Variants in CCSER2 observed in about 807,000 individuals in gnomAD.
The protein encoded by CCSER2 is serine-rich coiled-coil domain-containing protein 2.
In CCSER2, 46 loss-of-function variants were observed where a neutral mutation model predicts 92.3. The ratio of observed to expected loss-of-function variants is 0.50; its 90% confidence interval spans 0.39 to 0.64. The LOEUF is 0.64. Ranked by LOEUF, CCSER2 falls within the 30% of genes least tolerant of loss-of-function variation. CCSER2 has a pLI of 0.00. For synonymous variants in CCSER2, 433 were observed against 431.4 expected (o/e 1.00, Z -0.04); for missense variants, 1,244 against 1,238.9 (o/e 1.00, Z -0.06).
At chr10:84,383,980 A>G (rs1841055416) in intron 3 of CCSER2, among the ~76,000 whole-genome samples, 1 of 152,186 alleles carries the variant, frequency 6.6e-6, no homozygotes, top group Non-Finnish European at 1.5e-5. Context: ...TGCCATGGAA[A>G]TACAAAGGAT....
chr10:84,513,024 C>CT (rs35483621), intron 9 of CCSER2, among the ~76,000 whole-genome samples: 8,052 of 149,648 alleles, frequency 0.054, 294 homozygotes, highest in Non-Finnish European at 0.071. Flanking sequence ...TGGTGTACAA[C>CT]TTTTTTTTTT....
At chr10:84,376,138 T>C (rs1040856002) in intron 3 of CCSER2, among the ~76,000 whole-genome samples, 1 of 152,168 alleles carries the variant, frequency 6.6e-6, no homozygotes, top group Non-Finnish European at 1.5e-5. Context: ...CTCCTAATCA[T>C]GTCAAGGATC....
chr10:84,375,909 A>G (rs1174967756), intron 3 of CCSER2, among the ~76,000 whole-genome samples: 1 of 149,100 alleles, frequency 6.7e-6, no homozygotes, highest in Non-Finnish European at 1.5e-5. Flanking sequence ...CTCTTACTTA[A>G]CCCCTCAAGA....
At chr10:84,394,393 G>C (rs1841710153) in intron 3 of CCSER2, among the ~76,000 whole-genome samples, 1 of 138,384 alleles carries the variant, frequency 7.2e-6, no homozygotes, top group Admixed American at 7.2e-5. Context: ...GTATGTGTGT[G>C]TGTGTGTGTG....
intron 6 of CCSER2, among the ~76,000 whole-genome samples, chr10:84,463,239 G>A (rs1050238043): frequency 1.3e-5 from 2 of 152,202 alleles, no homozygotes; most frequent in Non-Finnish European, 2.9e-5. Context: ...CAGTAAAGTG[G>A]TTAAGGTGTA....
intron 2 of CCSER2, among the ~76,000 whole-genome samples, chr10:84,373,078 A>G (rs1208929770): frequency 1.3e-5 from 2 of 152,110 alleles, no homozygotes; most frequent in Non-Finnish European, 2.9e-5. Flanking sequence ...TTGTATGCCC[A>G]TATACCTGAA....
intron 5 of CCSER2, among the ~76,000 whole-genome samples, chr10:84,434,985 T>C (rs1216955771): frequency 1.3e-5 from 2 of 152,188 alleles, no homozygotes; most frequent in Non-Finnish European, 2.9e-5. Flanking sequence ...CTTTATGCTG[T>C]GAAACAAATT....
In CCSER2 at chr10:84,486,420, T is replaced by C. The variant is rs536720192; in HGVS notation, c.2325+8756T>C. Among the ~76,000 whole-genome samples, 361 of 152,376 alleles carry C rather than the reference T, an allele frequency of 2.4e-3. 1 individual carries two copies. The highest frequency in any genetic ancestry group is 8.3e-3 in the African/African-American group (345 of 41,598). ...TCCAGCACCTGTTGTTTCCTGACTT[T>C]TTAATGATTGCCATTCTAACTGGTG... On this transcript the variant is annotated intron_variant, in intron 9 of 9. Coordinates refer to ENST00000372088, the MANE Select transcript of CCSER2 (RefSeq NM_001284240.2).
Position 84,461,084 on chromosome 10 carries a change from C to G in CCSER2, c.2065-2849C>G, listed in dbSNP as rs148903097. On this transcript the variant is annotated intron_variant, in intron 6 of 9. Coordinates refer to ENST00000372088, the MANE Select transcript of CCSER2 (RefSeq NM_001284240.2). ...CATTCTATAATTTTCCCTTATCACT[C>G]TGCTTTAGTTGCATTCCACAAATTT... is the stretch of plus-strand genomic sequence containing the variant. 1.1e-3 allele frequency among the ~76,000 whole-genome samples: 170 copies of G among 152,224 alleles called. 1 individual carries two copies. The highest frequency in any genetic ancestry group is 3.9e-3 in the African/African-American group (162 of 41,526).
In CCSER2 at chr10:84,514,309, C is replaced by G. The variant is rs1849522339; in HGVS notation, c.*42C>G. ...TGCCAATTTGTTTCTTAAAAACAAT[C>G]TCTTCTGTAATAGCTTTATGTGCAG... On this transcript the variant is annotated 3_prime_UTR_variant, in exon 10 of 10. Transcript: ENST00000372088. 7.4e-7 allele frequency: 1 copy of G among 1,358,518 alleles called. No individual in the cohort carries two copies. The highest frequency in any genetic ancestry group is 1.0e-6 in the Non-Finnish European group (1 of 997,590). 84.2% of individuals were successfully genotyped at this position (1,358,518 alleles called of 1,614,324 possible). A position where few individuals can be genotyped will look rare whatever the true frequency, so the allele number is the denominator to read the frequency against.
chr10:84,341,073 T>C (rs1341970558), intron 1 of CCSER2, among the ~76,000 whole-genome samples: 3 of 148,110 alleles, frequency 2.0e-5, no homozygotes, highest in African/African-American at 7.6e-5. Flanking sequence ...CAGTGTCTTG[T>C]TCTGTCACCC....
rs1392804885 is a variant in CCSER2, at chr10:84,436,126, G to C, written c.1869-2386G>C. 1.5e-4 allele frequency among the ~76,000 whole-genome samples: 22 copies of C among 151,358 alleles called. 1 individual carries two copies. Among genetic ancestry groups the C allele is most frequent in the East Asian group, 1.2e-3 (6 of 5,132 alleles). The stretch of plus-strand genomic sequence containing the variant: ...GGGCGAATCACGAGGTCAGGAGATC[G>C]AGACCACCCTGTGAATGGTGAAACC... On this transcript the variant is annotated intron_variant, in intron 5 of 9. Coordinates refer to ENST00000372088, the MANE Select transcript of CCSER2 (RefSeq NM_001284240.2).
chr10:84,465,280 T>A (rs1218303697), intron 7 of CCSER2, among the ~76,000 whole-genome samples: 3 of 115,580 alleles, frequency 2.6e-5, no homozygotes, highest in Admixed American at 1.9e-4. Flanking sequence ...TGTGTGTGTG[T>A]GTGTGTGTGT....
chr10:84,336,399 C>T (rs1380883019), intron 1 of CCSER2, among the ~76,000 whole-genome samples: 5 of 152,046 alleles, frequency 3.3e-5, no homozygotes. Context: ...GGAGAAAAAG[C>T]AGGAAGAGGT....
chr10:84,442,122 G>C (rs1005748406), intron 6 of CCSER2, among the ~76,000 whole-genome samples: 1 of 152,104 alleles, frequency 6.6e-6, no homozygotes, highest in Non-Finnish European at 1.5e-5. Flanking sequence ...GGTCATAAAT[G>C]TATGTTTTTC....
chr10:84,355,297 AAAC>A (rs1845102960), intron 1 of CCSER2, among the ~76,000 whole-genome samples: 1 of 152,120 alleles, frequency 6.6e-6, no homozygotes, highest in Non-Finnish European at 1.5e-5. Context: ...TGCATTTCTG[AAAC>A]CCTGTTCACT....
intron 3 of CCSER2, among the ~76,000 whole-genome samples, chr10:84,416,513 T>G (rs2133385054): frequency 6.6e-6 from 1 of 152,340 alleles, no homozygotes; most frequent in South Asian, 2.1e-4. Flanking sequence ...ATTTTTCTAG[T>G]TACTTTTAGT....
At chr10:84,375,203 C>T (rs10788340) in intron 3 of CCSER2, among the ~76,000 whole-genome samples, 54,163 of 152,056 alleles carry the variant, frequency 0.36, 11,542 homozygotes, top group East Asian at 0.5. Context: ...AAATAGCTTT[C>T]TGTCAAAGAT....
At chr10:84,362,628 A>G (rs945308441) in intron 1 of CCSER2, among the ~76,000 whole-genome samples, 14 of 152,282 alleles carry the variant, frequency 9.2e-5, no homozygotes, top group African/African-American at 3.4e-4. Flanking sequence ...AGTTACTTTG[A>G]ACTCCATTTA....
Sources: allele counts gnomAD v4.1 joint callset (sites outside exome capture counted in the v4.1 genomes callset), GRCh38; gene constraint gnomAD v4.1.1; transcripts MANE v1.5; gene names NCBI Gene and HGNC (gene_info 2026-07-23, HGNC 2026-07-21).